The following R3HDM2 variants were observed in gnomAD, a reference collection of about 807,000 sequenced individuals.
The protein encoded by R3HDM2 is R3H domain-containing protein 2.
R3HDM2 carries 38 observed loss-of-function variants against 124.5 expected under a neutral mutation model. The ratio of observed to expected loss-of-function variants is 0.31; its 90% CI spans 0.24 to 0.40. The LOEUF is 0.40. Ranked by LOEUF, R3HDM2 falls within the 10% of genes least tolerant of loss-of-function variation. The pLI is 1.00. For synonymous variants in R3HDM2, 391 were observed against 448.0 expected (o/e 0.87, Z 1.61); for missense variants, 869 against 1,236.9 (o/e 0.70, Z 4.46).
intron 2 of R3HDM2, among the ~76,000 whole-genome samples, chr12:57,376,498 T>A (rs1009143510): frequency 1.3e-5 from 2 of 152,232 alleles, no homozygotes; most frequent in African/African-American, 4.8e-5. Flanking sequence ...AACAGTTTTT[T>A]AATTTTGATT....
In R3HDM2 at chr12:57,268,956, A is replaced by G; in HGVS notation, c.1841T>C (p.Leu614Pro). 2 of 1,614,160 alleles carry G rather than the reference A, an allele frequency of 1.2e-6. No individual in the cohort carries two copies. Among genetic ancestry groups the G allele is most frequent in the Non-Finnish European group, 1.7e-6 (2 of 1,180,026 alleles). ...RSSMGGQMQG[L>P]VVQYTPLPSY... is the part of the protein sequence containing the mutation. ...AGGCAGTGGAGTGTACTGAACCACC[A>G]GGCCTTGCATCTGGCCCCCCATGCT... The change falls in exon 17 of 24, where the codon CTG becomes CCG. Residue 614 changes from leucine (L) to proline (P), a missense_variant. Physicochemically the swap from Leu to Pro is moderately conservative, Grantham distance 98. This residue lies in a region of R3HDM2 where 602 missense variants were observed against 789.2 expected (regional missense o/e 0.76). Coordinates refer to ENST00000402412, the MANE Select transcript of R3HDM2 (RefSeq NM_001394031.1).
chr12:57,392,252 C>T (rs539217057), intron 2 of R3HDM2, among the ~76,000 whole-genome samples: 7 of 152,302 alleles, frequency 4.6e-5, no homozygotes, highest in South Asian at 2.1e-4. Context: ...CAAATAACAG[C>T]GGTTTCCAAC....
At chr12:57,329,061 A>G (rs1407899749) in intron 2 of R3HDM2, among the ~76,000 whole-genome samples, 2 of 152,202 alleles carry the variant, frequency 1.3e-5, no homozygotes, top group African/African-American at 2.4e-5. Flanking sequence ...CACACTAAGT[A>G]TAATAATGAA....
chr12:57,401,252 A>G (rs1262436824), intron 1 of R3HDM2, among the ~76,000 whole-genome samples: 1 of 151,750 alleles, frequency 6.6e-6, no homozygotes, highest in African/African-American at 2.4e-5. Context: ...TGCTTCAACC[A>G]TCAGAGTGCA....
intron 11 of R3HDM2, among the ~76,000 whole-genome samples, chr12:57,291,099 AGT>A (rs1330941923): frequency 2.0e-5 from 3 of 152,136 alleles, no homozygotes; most frequent in Admixed American, 2.0e-4. Context: ...TCAGAATGGA[AGT>A]CTACATAATA....
chr12:57,425,674 C>T (rs1278843680), intron 1 of R3HDM2, among the ~76,000 whole-genome samples: 4 of 152,012 alleles, frequency 2.6e-5, no homozygotes, highest in Non-Finnish European at 5.9e-5. Flanking sequence ...TGGCGGGTGG[C>T]TATAATCCAG....
chr12:57,302,610 G>A (rs935701631), intron 4 of R3HDM2, among the ~76,000 whole-genome samples: 24 of 147,426 alleles, frequency 1.6e-4, no homozygotes, highest in Non-Finnish European at 2.1e-4. Flanking sequence ...AGGTTGCAGC[G>A]AGCCAGGATT....
chr12:57,254,687 G>T lies in R3HDM2; in HGVS notation c.*86C>A. On this transcript the variant is annotated 3_prime_UTR_variant, in exon 24 of 24. Transcript: ENST00000402412. The stretch of plus-strand genomic sequence containing the variant: ...TTTAACATCAGTTTCCTTACTTCCT[G>T]CCTCTGTCCATGGTCTGTCAGGATC... The T allele has an allele frequency of 8.3e-7, 1 of 1,200,012 alleles. No individual in the cohort carries two copies. Among genetic ancestry groups the T allele is most frequent in the Non-Finnish European group, 1.2e-6 (1 of 861,546 alleles). The allele number at this position is 1,200,012 out of a possible 1,614,324, so 74.3% of individuals were successfully genotyped here.
At chr12:57,270,450 T>TG (rs1279750481) in intron 14 of R3HDM2, among the ~76,000 whole-genome samples, 1 of 151,858 alleles carries the variant, frequency 6.6e-6, no homozygotes, top group Non-Finnish European at 1.5e-5. Context: ...TTTTTTGAGA[T>TG]GGAGTTTTGG....
chr12:57,379,406 C>A (rs1267235603), intron 2 of R3HDM2, among the ~76,000 whole-genome samples: 5 of 151,948 alleles, frequency 3.3e-5, no homozygotes, highest in African/African-American at 1.2e-4. Context: ...CATGGAGAAA[C>A]CCTGTCTCTA....
chr12:57,349,181 C>A (rs1010107386), intron 2 of R3HDM2, among the ~76,000 whole-genome samples: 24 of 151,348 alleles, frequency 1.6e-4, no homozygotes, highest in African/African-American at 5.6e-4. Flanking sequence ...GAGATTGAGA[C>A]CATCCTGGCT....
chr12:57,387,544 A>T (rs957911936), intron 2 of R3HDM2, among the ~76,000 whole-genome samples: 1 of 152,224 alleles, frequency 6.6e-6, no homozygotes, highest in African/African-American at 2.4e-5. Flanking sequence ...AGGTATTTTA[A>T]ATTTTCTCAG....
chr12:57,309,715 A>AC (rs2053513335), intron 3 of R3HDM2, among the ~76,000 whole-genome samples: 1 of 152,212 alleles, frequency 6.6e-6, no homozygotes, highest in Non-Finnish European at 1.5e-5. Flanking sequence ...TTTTTTGGTA[A>AC]TAAAAAAAGT....
chr12:57,320,621 G>A (rs1047450657), intron 2 of R3HDM2, among the ~76,000 whole-genome samples: 10 of 152,212 alleles, frequency 6.6e-5, no homozygotes, highest in South Asian at 4.1e-4. Context: ...GGGAACAGGT[G>A]GGGCAGTGAA....
intron 2 of R3HDM2, among the ~76,000 whole-genome samples, chr12:57,364,293 G>A (rs1330016866): frequency 2.6e-5 from 4 of 151,650 alleles, no homozygotes; most frequent in African/African-American, 9.7e-5. Flanking sequence ...GATTACAGAC[G>A]CACATCACCA....
At chr12:57,262,164 T>C (rs1233551265) in intron 19 of R3HDM2, among the ~76,000 whole-genome samples, 1 of 152,160 alleles carries the variant, frequency 6.6e-6, no homozygotes, top group Non-Finnish European at 1.5e-5. Flanking sequence ...AAAGATAGAA[T>C]CCAATAATAT....
At chr12:57,284,339 A>T (rs2046857632) in intron 12 of R3HDM2, among the ~76,000 whole-genome samples, 1 of 152,244 alleles carries the variant, frequency 6.6e-6, no homozygotes, top group Non-Finnish European at 1.5e-5. Flanking sequence ...CATATACATG[A>T]TGCTGAGATT....
At chr12:57,303,135 A>T in intron 4 of R3HDM2, 41 bp downstream of exon 4, 1 of 1,444,638 alleles carries the variant, frequency 6.9e-7, no homozygotes, top group Non-Finnish European at 9.5e-7. Flanking sequence ...GAAATGTATT[A>T]CTAATAACAT....
chr12:57,427,372 CAA>C (rs1868249004), intron 1 of R3HDM2, among the ~76,000 whole-genome samples: 3 of 133,978 alleles, frequency 2.2e-5, no homozygotes, highest in African/African-American at 8.3e-5. Context: ...TTTTTTGAGA[CAA>C]AGTCTCAGTC....
Sources: gnomAD v4.1 joint callset for allele counts (sites outside exome capture counted in the v4.1 genomes callset) on GRCh38, gnomAD v4.1.1 for gene constraint, gnomAD v4.1.1 regional missense constraint, MANE v1.5 for transcripts, NCBI Gene and HGNC (gene_info 2026-07-23, HGNC 2026-07-21) for gene names.